The following NPY2R variants were observed in gnomAD, a reference collection of about 807,000 sequenced individuals.
NPY2R encodes the protein neuropeptide Y receptor type 2.
A neutral mutation model predicts 22.3 loss-of-function variants in NPY2R; 17 were observed. The observed-to-expected ratio is 0.76, with a 90% CI of 0.52 to 1.14. The LOEUF (loss-of-function observed/expected upper bound fraction) is 1.14. Ranked by LOEUF, NPY2R falls within the 50% of genes most tolerant of loss-of-function variation. NPY2R has a pLI of 0.00. For synonymous variants in NPY2R, 209 were observed against 183.4 expected (o/e 1.14, Z -1.13); for missense variants, 424 against 467.9 (o/e 0.91, Z 0.87).
upstream of NPY2R, chr4:155,207,196 T>C (rs1729299269): frequency 6.6e-6 from 1 of 152,196 alleles, no homozygotes; most frequent in Non-Finnish European, 1.5e-5. Flanking sequence ...ACAAATGCAA[T>C]ACTATTAGGG....
At chr4:155,204,070 T>C (rs1196095862), upstream of NPY2R, among the ~76,000 whole-genome samples, 1 of 152,170 alleles carries the variant, frequency 6.6e-6, no homozygotes, top group Non-Finnish European at 1.5e-5. Context: ...GGTTTACTTC[T>C]TTTCTTTGGG....
the NPY2R span, among the ~76,000 whole-genome samples, chr4:155,175,380 A>C: frequency 0.024 from 3,582 of 152,234 alleles, 105 homozygotes; most frequent in Middle Eastern, 0.082. Context: ...CCTGAACATC[A>C]GTTAAACCCC....
At chr4:155,195,117 G>A in the NPY2R span, among the ~76,000 whole-genome samples, 1 of 151,916 alleles carries the variant, frequency 6.6e-6, no homozygotes, top group Admixed American at 6.6e-5. Flanking sequence ...AATTTTATCA[G>A]TGTAAACTAA....
At chr4:155,184,070 C>T in the NPY2R span, among the ~76,000 whole-genome samples, 2 of 152,132 alleles carry the variant, frequency 1.3e-5, no homozygotes, top group Non-Finnish European at 2.9e-5. Flanking sequence ...AGGGATAATA[C>T]CTCTCCTTTA....
At chr4:155,188,062 A>G in the NPY2R span, among the ~76,000 whole-genome samples, 1 of 152,132 alleles carries the variant, frequency 6.6e-6, no homozygotes, top group Non-Finnish European at 1.5e-5. Context: ...AAGACATGCC[A>G]TCCACTTTTT....
chr4:155,203,058 T>C, the NPY2R span, among the ~76,000 whole-genome samples: 1 of 152,152 alleles, frequency 6.6e-6, no homozygotes, highest in Non-Finnish European at 1.5e-5. Flanking sequence ...AGTATCAATA[T>C]CCATTTGGAT....
chr4:155,211,459 T>A (rs985759886), intron 1 of NPY2R, among the ~76,000 whole-genome samples: 1 of 152,122 alleles, frequency 6.6e-6, no homozygotes, highest in Admixed American at 6.5e-5. Flanking sequence ...TATATTGGGC[T>A]GTCAGCAGAG....
At chr4:155,184,395 A>G in the NPY2R span, among the ~76,000 whole-genome samples, 1 of 152,216 alleles carries the variant, frequency 6.6e-6, no homozygotes, top group Admixed American at 6.5e-5. Context: ...CAGAGAAATA[A>G]TTTCTACGTG....
At chr4:155,202,458 C>A in the NPY2R span, among the ~76,000 whole-genome samples, 1 of 152,110 alleles carries the variant, frequency 6.6e-6, no homozygotes, top group African/African-American at 2.4e-5. Flanking sequence ...CATCTTTACA[C>A]GGACAGTGTC....
chr4:155,176,359 C>G, the NPY2R span, among the ~76,000 whole-genome samples: 22 of 152,230 alleles, frequency 1.4e-4, no homozygotes, highest in African/African-American at 5.3e-4. Context: ...CTCAGTCTTG[C>G]GTTGAACTCT....
At chr4:155,205,815 ATC>A (rs1729272727), upstream of NPY2R, among the ~76,000 whole-genome samples, 1 of 149,508 alleles carries the variant, frequency 6.7e-6, no homozygotes, top group Admixed American at 6.6e-5. Flanking sequence ...CTATCTATCT[ATC>A]TATCTATCTA....
At chr4:155,192,554 A>C in the NPY2R span, among the ~76,000 whole-genome samples, 1 of 152,006 alleles carries the variant, frequency 6.6e-6, no homozygotes, top group Admixed American at 6.6e-5. Context: ...GCAATTTTCT[A>C]TAGACATTCC....
Position 155,214,189 on chromosome 4 carries a change from G to A in NPY2R, c.250G>A (p.Val84Ile). The change falls in exon 2 of 2, where the codon GTA becomes ATA. Residue 84 changes from valine (V) to isoleucine (I), a missense_variant. Coordinates refer to ENST00000329476, the MANE Select transcript of NPY2R (RefSeq NM_000910.4). Reference protein sequence around the residue: ...VVIKFKSMRTVTNFFIANLAV... With the variant: ...VVIKFKSMRTITNFFIANLAV... ...GATCAAATTCAAGAGCATGCGCACA[G>A]TAACCAACTTTTTCATTGCCAATCT... 1 of 1,614,138 alleles carries A rather than the reference G, an allele frequency of 6.2e-7. No individual in the cohort carries two copies. Among genetic ancestry groups the A allele is most frequent in the African/African-American group, 1.3e-5 (1 of 75,046 alleles).
chr4:155,176,315 G>C, the NPY2R span, among the ~76,000 whole-genome samples: 1 of 151,456 alleles, frequency 6.6e-6, no homozygotes, highest in East Asian at 2.0e-4. Flanking sequence ...GGCATTTCAC[G>C]AACACCAGCA....
the NPY2R span, among the ~76,000 whole-genome samples, chr4:155,189,430 C>G: frequency 5.3e-5 from 8 of 152,018 alleles, no homozygotes; most frequent in East Asian, 1.6e-3. Flanking sequence ...CTGTTTGTAT[C>G]TGGTAGATAC....
chr4:155,178,689 G>A, the NPY2R span, among the ~76,000 whole-genome samples: 2 of 152,158 alleles, frequency 1.3e-5, no homozygotes, highest in Non-Finnish European at 2.9e-5. Flanking sequence ...TTAAGTGTGC[G>A]TGCATTTAAA....
the NPY2R span, among the ~76,000 whole-genome samples, chr4:155,199,110 T>C: frequency 6.6e-6 from 1 of 152,048 alleles, no homozygotes; most frequent in Non-Finnish European, 1.5e-5. Context: ...AACACCATGT[T>C]CATCTAAGTG....
At chr4:155,205,130 C>G (rs543898138), upstream of NPY2R, among the ~76,000 whole-genome samples, 61 of 152,274 alleles carry the variant, frequency 4.0e-4, no homozygotes, top group African/African-American at 1.2e-3. Flanking sequence ...AACTACAACT[C>G]AATAAAATTT....
chr4:155,214,984 A>G lies in NPY2R; in HGVS notation c.1045A>G (p.Ile349Val). Reference protein sequence around the residue: ...AFRCEQRLDAIHSEVSVTFKA... With the variant: ...AFRCEQRLDAVHSEVSVTFKA... Reference sequence around the variant, plus strand: ...CCGCTGTGAGCAGCGGTTGGATGCCATTCACTCTGAGGTGTCCGTGACATT... The same window carrying G: ...CCGCTGTGAGCAGCGGTTGGATGCCGTTCACTCTGAGGTGTCCGTGACATT... Residue 349 changes from isoleucine to valine, a missense_variant, in exon 2 of 2, where the codon ATT becomes GTT. Coordinates refer to ENST00000329476, the MANE Select transcript of NPY2R (RefSeq NM_000910.4). The G allele has an allele frequency of 6.2e-7, 1 of 1,614,232 alleles. No homozygotes were observed. Among genetic ancestry groups the G allele is most frequent in the African/African-American group, 1.3e-5 (1 of 75,070 alleles).
Sources: gnomAD v4.1 joint callset for allele counts (sites outside exome capture counted in the v4.1 genomes callset) on GRCh38, gnomAD v4.1.1 for gene constraint, MANE v1.5 for transcripts, NCBI Gene and HGNC (gene_info 2026-07-23, HGNC 2026-07-21) for gene names.